Variants in SLC23A2 observed in about 807,000 individuals in gnomAD.
SLC23A2 encodes the protein Na(+)/L-ascorbic acid transporter 2.
In SLC23A2, 36 loss-of-function variants were observed where a neutral mutation model predicts 73.3. The ratio of observed to expected loss-of-function variants is 0.49; its 90% confidence interval spans 0.38 to 0.65. SLC23A2 has a LOEUF of 0.65. SLC23A2 is among the 30% of genes least tolerant of loss of function. SLC23A2 has a pLI of 0.00. For synonymous variants in SLC23A2, 343 were observed against 327.3 expected (o/e 1.05, Z -0.52); for missense variants, 507 against 841.6 (o/e 0.60, Z 4.92).
intron 4 of SLC23A2, among the ~76,000 whole-genome samples, chr20:4,909,743 G>C (rs1456419906): frequency 6.6e-6 from 1 of 152,028 alleles, no homozygotes; most frequent in Non-Finnish European, 1.5e-5. Flanking sequence ...TTTTAGTAGA[G>C]ACGGGGTTTC....
intron 1 of SLC23A2, among the ~76,000 whole-genome samples, chr20:5,000,270 G>T (rs905345467): frequency 6.6e-6 from 1 of 152,032 alleles, no homozygotes; most frequent in Non-Finnish European, 1.5e-5. Context: ...AACCAGAAAC[G>T]GTGAGGCCCA....
chr20:4,919,319 T>G (rs1443021388), intron 3 of SLC23A2, among the ~76,000 whole-genome samples: 2 of 152,216 alleles, frequency 1.3e-5, no homozygotes, highest in African/African-American at 4.8e-5. Flanking sequence ...GTGATGCTGC[T>G]GGATGGCTCA....
At chr20:4,964,362 C>T (rs1258881571) in intron 2 of SLC23A2, among the ~76,000 whole-genome samples, 1 of 152,034 alleles carries the variant, frequency 6.6e-6, no homozygotes, top group Non-Finnish European at 1.5e-5. Flanking sequence ...AGCCTTTGAC[C>T]TAACAATTTT....
chr20:4,871,296 A>C (rs773358200), intron 11 of SLC23A2, among the ~76,000 whole-genome samples: 1 of 152,150 alleles, frequency 6.6e-6, no homozygotes, highest in South Asian at 2.1e-4. Flanking sequence ...AGGCAAGCTG[A>C]GCTGGGTCAC....
intron 9 of SLC23A2, among the ~76,000 whole-genome samples, chr20:4,879,408 CAA>C (rs111565515): frequency 4.7e-3 from 203 of 42,988 alleles, no homozygotes; most frequent in African/African-American, 0.016. Context: ...AACTCTGTCT[CAA>C]AAAAAAAAAA....
At chr20:4,890,635 A>G (rs917594729) in intron 6 of SLC23A2, among the ~76,000 whole-genome samples, 4 of 152,156 alleles carry the variant, frequency 2.6e-5, no homozygotes, top group African/African-American at 9.7e-5. Flanking sequence ...TCTGGGCAAC[A>G]GAGCGAGACT....
intron 2 of SLC23A2, among the ~76,000 whole-genome samples, chr20:4,964,832 C>CAAAAA (rs10639211): frequency 1.1e-5 from 1 of 88,532 alleles, no homozygotes; most frequent in Admixed American, 1.3e-4. Flanking sequence ...GACTCTGTCT[C>CAAAAA]AAAAAAAAAA....
At chr20:5,005,077 C>A, upstream of SLC23A2, among the ~76,000 whole-genome samples, 1 of 150,548 alleles carries the variant, frequency 6.6e-6, no homozygotes, top group Non-Finnish European at 1.5e-5. Flanking sequence ...AAACCTTTCC[C>A]AGTGTAGCAT....
intron 6 of SLC23A2, among the ~76,000 whole-genome samples, chr20:4,890,413 G>A (rs1430946215): frequency 6.6e-6 from 1 of 152,140 alleles, no homozygotes; most frequent in East Asian, 1.9e-4. Context: ...AGTACTTCGG[G>A]AGGCCAAGGC....
chr20:4,917,136 C>T (rs935536560), intron 3 of SLC23A2, among the ~76,000 whole-genome samples: 2 of 152,172 alleles, frequency 1.3e-5, no homozygotes, highest in Admixed American at 6.5e-5. Context: ...CAAGGAATTC[C>T]GCTGTTACAC....
At position 4,949,284 on chromosome 20, in the gene SLC23A2, T is replaced by C. The variant is rs12625783; in HGVS notation, c.-154-16568A>G. 4.3e-3 allele frequency among the ~76,000 whole-genome samples: 552 copies of C among 128,858 alleles called. 8 individuals are homozygous for C. The East Asian group carries it at 0.067, about 16-fold the overall frequency. 84.5% of individuals were successfully genotyped at this position (128,858 alleles called of 152,430 possible). A position where few individuals can be genotyped will look rare whatever the true frequency, so the allele number is the denominator to read the frequency against. On this transcript the variant is annotated intron_variant, in intron 2 of 16. Coordinates refer to ENST00000338244, the MANE Select transcript of SLC23A2 (RefSeq NM_005116.6). ...GCCTGGGTGACAGAGCGAGACTCCA[T>C]CTCAAAAAAAAAAAAAAAAAAGGAA...
rs953606195 is a variant in SLC23A2 at position 4,928,664 on chromosome 20, T to G, written c.108+3791A>C. On this transcript the variant is annotated intron_variant, in intron 3 of 16. Transcript: ENST00000338244. ...AATTTTAAAAACTATTTTCTTCCCC[T>G]TTTAAGGCTTCCTTTTATAGCCCTA... 2.6e-5 allele frequency among the ~76,000 whole-genome samples: 4 copies of G among 152,364 alleles called. No individual in the cohort carries two copies. In the South Asian group the frequency reaches 8.3e-4, roughly 32 times the overall value.
At chr20:4,992,562 G>C (rs189643564) in intron 1 of SLC23A2, among the ~76,000 whole-genome samples, 2 of 144,864 alleles carry the variant, frequency 1.4e-5, no homozygotes, top group East Asian at 4.1e-4. Flanking sequence ...CCAGGTTAGA[G>C]TGTAATGAGG....
At chr20:4,870,097 G>GA in intron 11 of SLC23A2, 44 bp from the exon 12 acceptor site, 2 of 1,520,702 alleles carry the variant, frequency 1.3e-6, no homozygotes, top group South Asian at 2.6e-5. Flanking sequence ...AGAGGCAGGC[G>GA]AAAGTGACCA....
At chr20:4,929,108 C>T (rs1484602930) in intron 3 of SLC23A2, among the ~76,000 whole-genome samples, 1 of 151,562 alleles carries the variant, frequency 6.6e-6, no homozygotes, top group East Asian at 1.9e-4. Context: ...TATATATATA[C>T]ACAAAAATGT....
At chr20:4,880,987 C>A (rs113001267) in intron 9 of SLC23A2, among the ~76,000 whole-genome samples, 1 of 152,118 alleles carries the variant, frequency 6.6e-6, no homozygotes, top group Non-Finnish European at 1.5e-5. Flanking sequence ...CAGAGGGTGG[C>A]GGCAGTGAAG....
chr20:4,981,564 C>G (rs970972221), intron 1 of SLC23A2, among the ~76,000 whole-genome samples: 10 of 152,078 alleles, frequency 6.6e-5, no homozygotes, highest in South Asian at 2.1e-4. Flanking sequence ...AATTTGCTGT[C>G]GAGGTTGAGG....
At chr20:4,959,560 C>T (rs2087346889) in intron 2 of SLC23A2, among the ~76,000 whole-genome samples, 1 of 152,132 alleles carries the variant, frequency 6.6e-6, no homozygotes, top group Non-Finnish European at 1.5e-5. Flanking sequence ...TGCCGTAGTA[C>T]AATCACGGCT....
chr20:4,905,204 A>G (rs555937836), intron 4 of SLC23A2, among the ~76,000 whole-genome samples: 6 of 152,122 alleles, frequency 3.9e-5, no homozygotes, highest in African/African-American at 1.4e-4. Context: ...ATGCACACAC[A>G]CAAGCTTTTC....
Sources: gnomAD v4.1 joint callset for allele counts (sites outside exome capture counted in the v4.1 genomes callset) on GRCh38, gnomAD v4.1.1 for gene constraint, MANE v1.5 for transcripts, NCBI Gene and HGNC (gene_info 2026-07-23, HGNC 2026-07-21) for gene names.